Variants in TMEM132D observed in about 807,000 individuals in gnomAD.
The protein encoded by TMEM132D is mature OL transmembrane protein.
TMEM132D carries 21 observed loss-of-function variants against 62.3 expected under a neutral mutation model. The ratio of observed to expected loss-of-function variants is 0.34; its 90% CI spans 0.24 to 0.49. TMEM132D has a LOEUF of 0.49. Ranked by LOEUF, TMEM132D falls within the 20% of genes least tolerant of loss-of-function variation. The pLI is 0.99. For missense variants in TMEM132D, 1,346 were observed against 1,402.8 expected, an observed-to-expected ratio of 0.96 and a Z score of 0.65; for synonymous variants, 621 against 575.6, an observed-to-expected ratio of 1.08 and a Z score of -1.13.
chr12:129,265,530 G>A (rs1222972673), intron 4 of TMEM132D, among the ~76,000 whole-genome samples: 1 of 152,130 alleles, frequency 6.6e-6, no homozygotes, highest in Non-Finnish European at 1.5e-5. Flanking sequence ...ATTGCCCTGG[G>A]GGTAAGCCCC....
intron 5 of TMEM132D, 48 bp from the exon 6 acceptor site, chr12:129,084,750 C>T (rs2135620244): frequency 2.5e-6 from 4 of 1,585,226 alleles, no homozygotes; most frequent in Non-Finnish European, 3.4e-6. Context: ...GAGCTTTCAT[C>T]CCGTTGCATG....
intron 5 of TMEM132D, among the ~76,000 whole-genome samples, chr12:129,116,287 G>T (rs565886673): frequency 6.6e-6 from 1 of 152,172 alleles, no homozygotes; most frequent in Non-Finnish European, 1.5e-5. Context: ...ATGATACGTG[G>T]TCACATCCAC....
chr12:129,333,064 A>C (rs78266865), intron 4 of TMEM132D, among the ~76,000 whole-genome samples: 2,632 of 152,318 alleles, frequency 0.017, 70 homozygotes, highest in African/African-American at 0.06. Context: ...TCTAAGAATA[A>C]ATTGAATTCC....
intron 2 of TMEM132D, among the ~76,000 whole-genome samples, chr12:129,689,816 C>G (rs1331421087): frequency 3.3e-5 from 5 of 152,126 alleles, no homozygotes; most frequent in Non-Finnish European, 7.4e-5. Flanking sequence ...GGTTTCAGCT[C>G]TGATGTGTAC....
chr12:129,637,711 G>A (rs533235403), intron 2 of TMEM132D, among the ~76,000 whole-genome samples: 20 of 152,310 alleles, frequency 1.3e-4, no homozygotes, highest in African/African-American at 4.6e-4. Flanking sequence ...CAGGAAGCAT[G>A]ATGCTGGCAT....
intron 1 of TMEM132D, among the ~76,000 whole-genome samples, chr12:129,807,037 A>AAATG (rs1157897130): frequency 1.3e-5 from 2 of 152,234 alleles, no homozygotes; most frequent in African/African-American, 2.4e-5. Flanking sequence ...CTATCTAAAT[A>AAATG]AATGAATGAA....
intron 3 of TMEM132D, among the ~76,000 whole-genome samples, chr12:129,488,318 G>T (rs1368632677): frequency 6.6e-6 from 1 of 152,206 alleles, no homozygotes; most frequent in Non-Finnish European, 1.5e-5. Flanking sequence ...CAGCCCTGCA[G>T]CTTCCTTTGG....
intron 4 of TMEM132D, among the ~76,000 whole-genome samples, chr12:129,273,716 C>T (rs767478756): frequency 2.2e-4 from 33 of 151,644 alleles, no homozygotes; most frequent in Admixed American, 3.3e-4. Context: ...AGCTAATCGC[C>T]GGGTGCCCAT....
At chr12:129,394,288 T>C (rs1871362690) in intron 3 of TMEM132D, among the ~76,000 whole-genome samples, 1 of 152,166 alleles carries the variant, frequency 6.6e-6, no homozygotes, top group African/African-American at 2.4e-5. Flanking sequence ...TTCCCGTCAA[T>C]ACATTTTTGT....
intron 1 of TMEM132D, among the ~76,000 whole-genome samples, chr12:129,858,762 G>A (rs112321534): frequency 1.3e-5 from 1 of 75,216 alleles, no homozygotes; most frequent in Admixed American, 1.3e-4. Context: ...AACGGAGTCC[G>A]GGGAAACGGG....
chr12:129,844,087 T>A (rs1356524427), intron 1 of TMEM132D, among the ~76,000 whole-genome samples: 1 of 152,032 alleles, frequency 6.6e-6, no homozygotes, highest in Non-Finnish European at 1.5e-5. Flanking sequence ...GGTGGCAGAG[T>A]GAGACTCTGT....
intron 4 of TMEM132D, among the ~76,000 whole-genome samples, chr12:129,215,288 T>G (rs1210158801): frequency 6.6e-6 from 1 of 152,184 alleles, no homozygotes; most frequent in Admixed American, 6.5e-5. Context: ...TGAGAACACA[T>G]GAACACATAG....
chr12:129,443,882 T>C (rs1411775124), intron 3 of TMEM132D, among the ~76,000 whole-genome samples: 2 of 152,180 alleles, frequency 1.3e-5, no homozygotes, highest in Non-Finnish European at 2.9e-5. Context: ...ACTGCGGTCA[T>C]CAAAACTGCA....
At chr12:129,321,229 A>G (rs1031050020) in intron 4 of TMEM132D, among the ~76,000 whole-genome samples, 3 of 152,194 alleles carry the variant, frequency 2.0e-5, no homozygotes, top group African/African-American at 7.2e-5. Flanking sequence ...ATATGATGGA[A>G]AATTCATAGG....
chr12:129,281,737 C>G (rs749578583), intron 4 of TMEM132D, among the ~76,000 whole-genome samples: 1 of 152,172 alleles, frequency 6.6e-6, no homozygotes, highest in African/African-American at 2.4e-5. Flanking sequence ...TGGATGATAA[C>G]AGCTCCCAGC....
intron 2 of TMEM132D, among the ~76,000 whole-genome samples, chr12:129,696,988 C>G (rs1387372076): frequency 6.6e-6 from 1 of 152,176 alleles, no homozygotes; most frequent in Non-Finnish European, 1.5e-5. Context: ...GTGAAACACA[C>G]ATGCATATAT....
chr12:129,782,464 G>T (rs1227339161), intron 1 of TMEM132D, among the ~76,000 whole-genome samples: 2 of 152,174 alleles, frequency 1.3e-5, no homozygotes, highest in African/African-American at 4.8e-5. Flanking sequence ...GCCCGTGGGG[G>T]TGGCGGCTGA....
intron 3 of TMEM132D, among the ~76,000 whole-genome samples, chr12:129,482,989 G>C (rs1382241035): frequency 7.1e-6 from 1 of 141,084 alleles, no homozygotes; most frequent in African/African-American, 2.6e-5. Flanking sequence ...GTGTGTGTGT[G>C]TGGAAGAGGA....
At chr12:129,780,275 G>A (rs1323605781) in intron 1 of TMEM132D, among the ~76,000 whole-genome samples, 1 of 150,688 alleles carries the variant, frequency 6.6e-6, no homozygotes, top group Non-Finnish European at 1.5e-5. Context: ...GCATGAACAG[G>A]TGAGTAATGT....
Sources: gnomAD v4.1 joint callset for allele counts (sites outside exome capture counted in the v4.1 genomes callset) on GRCh38, gnomAD v4.1.1 for gene constraint, MANE v1.5 for transcripts, NCBI Gene and HGNC (gene_info 2026-07-23, HGNC 2026-07-21) for gene names.